The following PHF8 variants were observed in gnomAD, a reference collection of about 807,000 sequenced individuals.
PHF8 encodes PHD finger protein 8, also known as histone lysine demethylase PHF8.
In PHF8, 9 loss-of-function variants were observed where a neutral mutation model predicts 74.4. That is an observed-to-expected ratio of 0.12 (90% CI 0.07 to 0.21). The LOEUF is 0.21. PHF8 is among the 10% of genes least tolerant of loss of function. The pLI, the probability that PHF8 is intolerant of heterozygous loss-of-function variation, is 1.00. For missense variants in PHF8, 478 were observed against 816.6 expected (o/e 0.59, Z 5.05); for synonymous variants, 311 against 316.6 (o/e 0.98, Z 0.19).
rs1487313379 is a variant in PHF8, at chrX:53,974,326, G to C, written c.2443+10588C>G. Among the ~76,000 whole-genome samples the C allele has an allele frequency of 9.9e-5, 11 of 111,372 alleles. No individual in the cohort carries two copies. The Admixed American group carries it at 1.0e-3, about 11-fold the overall frequency. ...ATATGAAAAAAAGCTCAACATCACT[G>C]TTCATTAGAGAAATGCAAATCAAAA... On this transcript the variant is annotated intron_variant, in intron 18 of 21. Transcript: ENST00000338154.
chrX:54,015,531 A>G, intron 6 of PHF8, among the ~76,000 whole-genome samples: 1 of 98,585 alleles, frequency 1.0e-5, no homozygotes, highest in African/African-American at 3.8e-5. Flanking sequence ...AGCCGAGATC[A>G]TGCCACTGCA....
intron 21 of PHF8, 149 bp downstream of exon 21, chrX:53,940,031 A>G (rs2064726064): frequency 2.1e-6 from 1 of 466,694 alleles, no homozygotes; most frequent in African/African-American, 2.4e-5. Context: ...AAATCAGTCA[A>G]CATCTCTCCA....
At chrX:54,042,387 T>C (rs1266631039) in intron 2 of PHF8, among the ~76,000 whole-genome samples, 2 of 101,821 alleles carry the variant, frequency 2.0e-5, no homozygotes, top group African/African-American at 7.1e-5. Flanking sequence ...GGGGGGGTCT[T>C]ATAAATCTAA....
At chrX:53,954,367 G>A (rs1187698753) in intron 19 of PHF8, among the ~76,000 whole-genome samples, 1 of 107,523 alleles carries the variant, frequency 9.3e-6, no homozygotes, top group Non-Finnish European at 1.9e-5. Flanking sequence ...GGGTGTGGTG[G>A]CAGGTGCCTG....
chrX:53,938,940 C>G lies in PHF8; in HGVS notation c.*218G>C. 2 of 984,687 alleles carry G rather than the reference C, an allele frequency of 2.0e-6. No homozygotes were observed. Among genetic ancestry groups the G allele is most frequent in the Non-Finnish European group, 2.6e-6 (2 of 782,957 alleles). The allele number at this position is 984,687 out of a possible 1,213,427, so 81.1% of individuals were successfully genotyped here. ...GCTGGAAACCTCTCCCATTTACCTG[C>G]TCCTCAGTGGAGAAGGCAGGCAGGA... On this transcript the variant is annotated 3_prime_UTR_variant, in exon 22 of 22. Transcript: ENST00000338154.
chrX:53,992,754 A>G lies in PHF8; in HGVS notation c.1712T>C (p.Leu571Pro). ...ACCTCACCTGCCGTTAGACATCAAT[A>G]GGGCCAATGGGCTCTCATTTCCATC... is the stretch of plus-strand genomic sequence containing the variant. Reference protein sequence around the residue: ...DLDGNESPLALLMSNGSTKRV... With the variant: ...DLDGNESPLAPLMSNGSTKRV... The change falls in exon 14 of 22, where the codon CTA becomes CCA. Residue 571 changes from leucine (L) to proline (P), a missense_variant. Leu to Pro is a moderately conservative substitution (Grantham distance 98). Around this residue, in one of 9 missense-constraint regions of PHF8, gnomAD observed 153 missense variants for 164.8 expected, o/e 0.93. Transcript: ENST00000338154. 8.4e-7 allele frequency: 1 copy of G among 1,185,831 alleles called. No homozygotes were observed. Among genetic ancestry groups the G allele is most frequent in the Non-Finnish European group, 1.1e-6 (1 of 873,263 alleles).
intron 18 of PHF8, among the ~76,000 whole-genome samples, chrX:53,971,602 CAA>C (rs1203274882): frequency 9.0e-6 from 1 of 111,157 alleles, no homozygotes; most frequent in Non-Finnish European, 1.9e-5. Context: ...TAATGAAGAA[CAA>C]AAGAGAGAAA....
At chrX:53,967,779 C>A (rs1239868176) in intron 18 of PHF8, among the ~76,000 whole-genome samples, 1 of 113,564 alleles carries the variant, frequency 8.8e-6, no homozygotes, top group Non-Finnish European at 1.9e-5. Context: ...AAGAAAAATT[C>A]TTCTGCCTTG....
At chrX:53,943,457 A>G (rs1049946752) in intron 20 of PHF8, 2 of 1,036,197 alleles carry the variant, frequency 1.9e-6, no homozygotes, top group African/African-American at 1.9e-5. Context: ...CAGATAGATT[A>G]CATTACACAT....
intron 2 of PHF8, among the ~76,000 whole-genome samples, chrX:54,024,253 T>C (rs1557110843): frequency 8.9e-6 from 1 of 111,973 alleles, no homozygotes; most frequent in Non-Finnish European, 1.9e-5. Context: ...GGTAACCCCA[T>C]CTCTACAAAA....
intron 18 of PHF8, among the ~76,000 whole-genome samples, chrX:53,966,553 G>A (rs1165276660): frequency 8.9e-6 from 1 of 112,191 alleles, no homozygotes; most frequent in Non-Finnish European, 1.9e-5. Context: ...GCCCAGGCTG[G>A]AGTGCAGTGG....
At chrX:54,011,625 T>C (rs1246572080) in intron 7 of PHF8, among the ~76,000 whole-genome samples, 2 of 111,631 alleles carry the variant, frequency 1.8e-5, no homozygotes, top group Non-Finnish European at 3.8e-5. Context: ...AGATCAATAC[T>C]AGTAGCCTTA....
At chrX:54,012,983 T>G (rs937654086) in intron 7 of PHF8, among the ~76,000 whole-genome samples, 10 of 106,315 alleles carry the variant, frequency 9.4e-5, no homozygotes, top group Non-Finnish European at 1.7e-4. Context: ...CTGGGAGTGA[T>G]GGCATGCACC....
intron 18 of PHF8, among the ~76,000 whole-genome samples, chrX:53,981,222 C>A (rs1406065411): frequency 3.6e-5 from 4 of 112,138 alleles, no homozygotes; most frequent in African/African-American, 1.3e-4. Context: ...TCAAAACAAA[C>A]AAACAAACAA....
intron 10 of PHF8, 123 bp from the exon 11 acceptor site, chrX:54,000,084 GTTC>G (rs1355351778): frequency 3.9e-6 from 2 of 519,308 alleles, no homozygotes; most frequent in East Asian, 7.2e-5. Flanking sequence ...GCAGATCTCA[GTTC>G]TTCTGATAGT....
intron 2 of PHF8, among the ~76,000 whole-genome samples, chrX:54,025,174 C>A (rs1399011550): frequency 1.3e-4 from 15 of 111,779 alleles, no homozygotes; most frequent in Non-Finnish European, 2.8e-4. Context: ...CTGCGCCCGG[C>A]CGGTTCATAC....
chrX:54,018,679 G>A (rs1426449601), intron 4 of PHF8, among the ~76,000 whole-genome samples: 2 of 108,092 alleles, frequency 1.9e-5, no homozygotes, highest in East Asian at 5.8e-4. Flanking sequence ...GGAGTGCAAT[G>A]GCACAATCTC....
intron 10 of PHF8, among the ~76,000 whole-genome samples, chrX:54,000,354 C>T (rs2065809483): frequency 9.0e-6 from 1 of 111,723 alleles, no homozygotes; most frequent in Admixed American, 9.5e-5. Context: ...AATGAGAACA[C>T]TCAGGAGGAC....
chrX:54,041,016 G>A (rs1352381284), intron 2 of PHF8, among the ~76,000 whole-genome samples: 2 of 112,026 alleles, frequency 1.8e-5, no homozygotes, highest in Non-Finnish European at 3.8e-5. Flanking sequence ...TACGGGGCAA[G>A]GGGGCAGTCC....
Sources: gnomAD v4.1 joint callset for allele counts (sites outside exome capture counted in the v4.1 genomes callset) on GRCh38, gnomAD v4.1.1 for gene constraint, gnomAD v4.1.1 regional missense constraint, MANE v1.5 for transcripts, NCBI Gene and HGNC (gene_info 2026-07-23, HGNC 2026-07-21) for gene names.